The following DDO variants were observed in gnomAD, a reference collection of about 807,000 sequenced individuals.
DDO encodes the protein D-aspartate oxidase.
DDO carries 16 observed loss-of-function variants against 16.8 expected under a neutral mutation model. The observed-to-expected ratio is 0.95, with a 90% CI of 0.65 to 1.45. The LOEUF is 1.45. Ranked by LOEUF, DDO falls within the 40% of genes most tolerant of loss-of-function variation. The probability of loss-of-function intolerance (pLI) is 0.00; values close to 1 mark genes in which losing one functional copy is unlikely to be tolerated. For synonymous variants in DDO, 180 were observed against 167.2 expected, an observed-to-expected ratio of 1.08 and a Z score of -0.59; for missense variants, 429 against 420.3, an observed-to-expected ratio of 1.02 and a Z score of -0.18.
In DDO at chr6:110,413,233, ACTAACATCATTCTAT is replaced by A. The variant is rs1773918597; in HGVS notation, c.172+43_172+57del. The A allele has an allele frequency of 3.2e-6, 5 of 1,568,824 alleles. No individual in the cohort carries two copies. In the Admixed American group the frequency reaches 8.6e-5, roughly 27 times the overall value. ...AGCTGTCTTTTGTCAATAGAATTCC[ACTAACATCATTCTAT>A]CTGACATCTATTGTATCTGATAGAG... On this transcript the variant is annotated intron_variant, in intron 2 of 4. Coordinates refer to ENST00000368924, the MANE Select transcript of DDO (RefSeq NM_001372108.2).
rs963193633 is a variant in DDO, at chr6:110,405,013, T to G, written c.282-63A>C. Reference sequence around the variant, plus strand: ...GTGAAATAACATATTTCTAGTAAACTTCACATGACATTCTCTAGAGCATTT... The same window carrying G: ...GTGAAATAACATATTTCTAGTAAACGTCACATGACATTCTCTAGAGCATTT... On this transcript the variant is annotated intron_variant, in intron 3 of 4. Coordinates refer to ENST00000368924, the MANE Select transcript of DDO (RefSeq NM_001372108.2). 4 of 1,429,154 alleles carry G rather than the reference T, an allele frequency of 2.8e-6. No individual in the cohort carries two copies. The African/African-American group carries it at 5.7e-5, about 20-fold the overall frequency. The allele number at this position is 1,429,154 out of a possible 1,614,324, so 88.5% of individuals were successfully genotyped here.
At chr6:110,399,591 G>A (rs911881715) in intron 4 of DDO, among the ~76,000 whole-genome samples, 9 of 152,020 alleles carry the variant, frequency 5.9e-5, no homozygotes, top group Non-Finnish European at 7.4e-5. Context: ...CTTGGGCTGA[G>A]AGGAGTCCCG....
At chr6:110,410,483 TA>T (rs1478680245) in intron 2 of DDO, among the ~76,000 whole-genome samples, 3 of 152,158 alleles carry the variant, frequency 2.0e-5, no homozygotes, top group African/African-American at 7.2e-5. Context: ...GGGTAATTTA[TA>T]AAGGAAAGAA....
At chr6:110,410,426 G>C (rs1773815284) in intron 2 of DDO, among the ~76,000 whole-genome samples, 1 of 152,216 alleles carries the variant, frequency 6.6e-6, no homozygotes, top group Non-Finnish European at 1.5e-5. Context: ...GTGTAAGCTG[G>C]TGTATTAGTC....
intron 4 of DDO, among the ~76,000 whole-genome samples, chr6:110,401,191 A>G (rs988339684): frequency 3.3e-5 from 5 of 152,238 alleles, no homozygotes; most frequent in African/African-American, 1.2e-4. Flanking sequence ...CTAAATGTCA[A>G]CTTGGACTTC....
Position 110,392,098 on chromosome 6 carries a change from C to T in DDO, c.*677G>A. On this transcript the variant is annotated 3_prime_UTR_variant, in exon 5 of 5. Coordinates refer to ENST00000368924, the MANE Select transcript of DDO (RefSeq NM_001372108.2). ...CATCTCTGTCTCCTACCATCATTAC[C>T]AGCTGAGGGGAGGAAAAGCTTGCTG... 1.3e-6 allele frequency: 1 copy of T among 769,892 alleles called. No individual in the cohort carries two copies. The highest frequency in any genetic ancestry group is 1.6e-6 in the Non-Finnish European group (1 of 633,240). 47.7% of individuals were successfully genotyped at this position (769,892 alleles called of 1,614,324 possible).
intron 4 of DDO, among the ~76,000 whole-genome samples, chr6:110,394,933 C>T (rs9372253): frequency 0.47 from 71,080 of 151,958 alleles, 16,942 homozygotes; most frequent in African/African-American, 0.52. Flanking sequence ...AGGGGAGAGA[C>T]TGTATCTTAT....
chr6:110,404,156 A>G (rs1002904253), intron 4 of DDO, among the ~76,000 whole-genome samples: 2 of 152,222 alleles, frequency 1.3e-5, no homozygotes, highest in Admixed American at 6.5e-5. Flanking sequence ...GATACTCTTG[A>G]TGTGTTTCCT....
In DDO at chr6:110,392,520, G is replaced by T. The variant is rs568149464; in HGVS notation, c.*255C>A. ...TTTGTTGTTGGTGTTTTTTTTAGAG[G>T]TGGGAACTGGCACCTCTAAAAAATG... is the stretch of plus-strand genomic sequence containing the variant. On this transcript the variant is annotated 3_prime_UTR_variant, in exon 5 of 5. Coordinates refer to ENST00000368924, the MANE Select transcript of DDO (RefSeq NM_001372108.2). 7.5e-5 allele frequency: 88 copies of T among 1,176,982 alleles called. No individual in the cohort carries two copies. The East Asian group carries it at 3.4e-3, about 45-fold the overall frequency. The allele number at this position is 1,176,982 out of a possible 1,614,324, so 72.9% of individuals were successfully genotyped here.
chr6:110,408,190 A>C, intron 3 of DDO, 144 bp downstream of exon 3: 1 of 644,170 alleles, frequency 1.6e-6, no homozygotes, highest in South Asian at 2.2e-5. Flanking sequence ...TTTGGGGTAA[A>C]GCCTATAATG....
intron 4 of DDO, among the ~76,000 whole-genome samples, chr6:110,400,878 G>A (rs1773465109): frequency 6.6e-6 from 1 of 152,208 alleles, no homozygotes; most frequent in African/African-American, 2.4e-5. Flanking sequence ...CTCCAGCCAT[G>A]CTTTCTTCTT....
At chr6:110,395,986 G>T (rs1278552259) in intron 4 of DDO, among the ~76,000 whole-genome samples, 1 of 152,128 alleles carries the variant, frequency 6.6e-6, no homozygotes, top group Non-Finnish European at 1.5e-5. Context: ...CCGAGATCCC[G>T]CCACTGCACT....
chr6:110,395,049 T>G (rs11153232), intron 4 of DDO, among the ~76,000 whole-genome samples: 73,763 of 152,050 alleles, frequency 0.49, 18,412 homozygotes, highest in African/African-American at 0.59. Context: ...TTGGACCTGC[T>G]ATGGTTAATT....
chr6:110,400,500 C>T (rs1433177833), intron 4 of DDO, among the ~76,000 whole-genome samples: 3 of 152,186 alleles, frequency 2.0e-5, no homozygotes. Flanking sequence ...AGGCTGGCGT[C>T]CCTGCCTCTG....
In DDO at chr6:110,392,142, A is replaced by G. The variant is rs1198688147; in HGVS notation, c.*633T>C. On this transcript the variant is annotated 3_prime_UTR_variant, in exon 5 of 5. Transcript: ENST00000368924. ...CTTGCTGCTAGTACTAGGAGCAAGC[A>G]TGCTTTGTCTTCAATTAAATGTAAT... 4 of 976,778 alleles carry G rather than the reference A, an allele frequency of 4.1e-6. No individual in the cohort carries two copies. The highest frequency in any genetic ancestry group is 2.3e-4 in the East Asian group (2 of 8,782). 60.5% of individuals were successfully genotyped at this position (976,778 alleles called of 1,614,324 possible). A position where few individuals can be genotyped will look rare whatever the true frequency, so the allele number is the denominator to read the frequency against.
At chr6:110,397,203 A>G (rs548871473) in intron 4 of DDO, among the ~76,000 whole-genome samples, 12 of 152,362 alleles carry the variant, frequency 7.9e-5, no homozygotes, top group Non-Finnish European at 1.8e-4. Context: ...TAGCTGCTCA[A>G]TAAAGACCTT....
At chr6:110,408,224 T>A in intron 3 of DDO, 110 bp downstream of exon 3, 1 of 974,786 alleles carries the variant, frequency 1.0e-6, no homozygotes, top group Non-Finnish European at 1.5e-6. Context: ...CTCCTGCATC[T>A]AAGTCAGCAC....
intron 4 of DDO, among the ~76,000 whole-genome samples, chr6:110,403,375 G>A (rs894480257): frequency 3.3e-5 from 5 of 152,020 alleles, no homozygotes; most frequent in East Asian, 1.9e-4. Context: ...TTAGAAGGGG[G>A]AAAATTCAAC....
At position 110,392,290 on chromosome 6, in the gene DDO, A is replaced by G. The variant is rs1197721435; in HGVS notation, c.*485T>C. 1.0e-6 allele frequency: 1 copy of G among 985,546 alleles called. No homozygotes were observed. The highest frequency in any genetic ancestry group is 1.2e-6 in the Non-Finnish European group (1 of 830,108). The allele number at this position is 985,546 out of a possible 1,614,324, so 61.1% of individuals were successfully genotyped here. A position where few individuals can be genotyped will look rare whatever the true frequency, so the allele number is the denominator to read the frequency against. On this transcript the variant is annotated 3_prime_UTR_variant, in exon 5 of 5. Transcript: ENST00000368924. ...ACAGTGATTTAAATGTTTTCCATAC[A>G]TTATCTCCTCCTGTGGATTTATAAG...
Sources: gnomAD v4.1 joint callset for allele counts (sites outside exome capture counted in the v4.1 genomes callset) on GRCh38, gnomAD v4.1.1 for gene constraint, MANE v1.5 for transcripts, NCBI Gene and HGNC (gene_info 2026-07-23, HGNC 2026-07-21) for gene names.